The following LHX8 variants were observed in gnomAD, a reference collection of about 807,000 sequenced individuals.
The protein encoded by LHX8 is LIM/homeobox protein Lhx8.
Under a neutral mutation model 40.3 loss-of-function variants are expected in LHX8, and 12 were observed. That is an observed-to-expected ratio of 0.30 (90% confidence interval 0.19 to 0.48). The LOEUF (loss-of-function observed/expected upper bound fraction) is 0.48. Among genes scored for constraint, LHX8 ranks in the 20% least tolerant of loss-of-function variants. LHX8 has a pLI of 0.99. For synonymous variants in LHX8, 179 were observed against 162.0 expected (o/e 1.10, Z -0.80); for missense variants, 344 against 433.7 (o/e 0.79, Z 1.84).
intron 3 of LHX8, 87 bp downstream of exon 3, chr1:75,137,348 C>A (rs938545402): frequency 1.5e-6 from 2 of 1,375,044 alleles, no homozygotes; most frequent in Non-Finnish European, 2.0e-6. Flanking sequence ...TCCCACCAAC[C>A]TTTCCGTTCA....
chr1:75,133,386 G>C (rs532174365), upstream of LHX8, among the ~76,000 whole-genome samples: 1 of 152,050 alleles, frequency 6.6e-6, no homozygotes, highest in Admixed American at 6.5e-5. Flanking sequence ...AGATCATTTC[G>C]CTCTTTTTCT....
chr1:75,176,636 T>A, the LHX8 span, among the ~76,000 whole-genome samples: 5 of 152,246 alleles, frequency 3.3e-5, no homozygotes, highest in Non-Finnish European at 7.3e-5. Context: ...CTGTTCACTC[T>A]GATGGTAGTT....
At chr1:75,176,479 A>G in the LHX8 span, among the ~76,000 whole-genome samples, 1 of 152,174 alleles carries the variant, frequency 6.6e-6, no homozygotes, top group East Asian at 1.9e-4. Flanking sequence ...TCTTTTGAGA[A>G]GTGTCTGTTC....
At chr1:75,182,966 G>C in the LHX8 span, 1 of 152,192 alleles carries the variant, frequency 6.6e-6, no homozygotes, top group Non-Finnish European at 1.5e-5. Context: ...ATGGTTAGCT[G>C]TTCACTCCTC....
rs1648077510 is a variant in LHX8, at chr1:75,134,965, C to CT, written c.-13+15dup. 1 of 983,646 alleles carries CT rather than the reference C, an allele frequency of 1.0e-6. No individual in the cohort carries two copies. The highest frequency in any genetic ancestry group is 1.2e-6 in the Non-Finnish European group (1 of 828,512). The allele number at this position is 983,646 out of a possible 1,614,324, so 60.9% of individuals were successfully genotyped here. A position where few individuals can be genotyped will look rare whatever the true frequency, so the allele number is the denominator to read the frequency against. ...CGCTCTCAGGTCCATGTGAGTCGTG[C>CT]TTTTGTTCTATTTGCTGTGGTGATC... On this transcript the variant is annotated intron_variant, in intron 1 of 8. Coordinates refer to ENST00000356261, the MANE Select transcript of LHX8 (RefSeq NM_001256114.2).
intron 6 of LHX8, 69 bp from the exon 7 acceptor site, chr1:75,148,518 T>TA (rs1347775201): frequency 9.3e-7 from 1 of 1,080,456 alleles, no homozygotes; most frequent in African/African-American, 1.6e-5. Flanking sequence ...CCTCTTATGA[T>TA]AAAAATGCAG....
In LHX8 at chr1:75,153,704, G is replaced by A. The variant is rs147614284; in HGVS notation, c.781-3189G>A. ...GACTACAGGTGTGAGCCACCACGCC[G>A]GGTCTAGTTTTGGCCTTTCTTATGC... is the stretch of plus-strand genomic sequence containing the variant. On this transcript the variant is annotated intron_variant, in intron 7 of 8. Transcript: ENST00000356261. Among the ~76,000 whole-genome samples, 1,276 of 152,108 alleles carry A rather than the reference G, an allele frequency of 8.4e-3. 24 individuals are homozygous for A. The highest frequency in any genetic ancestry group is 0.029 in the African/African-American group (1,206 of 41,500).
intron 7 of LHX8, among the ~76,000 whole-genome samples, chr1:75,149,839 T>A (rs1648560238): frequency 6.6e-6 from 1 of 152,186 alleles, no homozygotes; most frequent in South Asian, 2.1e-4. Context: ...TGAGCCACCA[T>A]GCCCAGCTGA....
downstream of LHX8, among the ~76,000 whole-genome samples, chr1:75,163,325 A>G (rs1648967542): frequency 2.0e-5 from 3 of 152,200 alleles, no homozygotes; most frequent in Non-Finnish European, 4.4e-5. Flanking sequence ...TTATGTGTAT[A>G]ATTACTCTAC....
chr1:75,140,139 A>G (rs1218746641), intron 3 of LHX8, among the ~76,000 whole-genome samples: 1 of 152,214 alleles, frequency 6.6e-6, no homozygotes, highest in Non-Finnish European at 1.5e-5. Flanking sequence ...TATAATGGCA[A>G]CAGTTTAAAG....
intron 7 of LHX8, among the ~76,000 whole-genome samples, chr1:75,155,509 C>T (rs552386547): frequency 2.0e-5 from 3 of 152,208 alleles, no homozygotes; most frequent in Admixed American, 1.3e-4. Flanking sequence ...GCTGGGATTA[C>T]AGGAGTGAGC....
At chr1:75,181,950 C>T in the LHX8 span, among the ~76,000 whole-genome samples, 152,283 of 152,336 alleles carry the variant, frequency 1, 76,115 homozygotes, top group Middle Eastern at 1. Flanking sequence ...CTGTGTGTTG[C>T]CTGTTTACTT....
the LHX8 span, among the ~76,000 whole-genome samples, chr1:75,174,745 A>C: frequency 1.3e-5 from 2 of 152,236 alleles, no homozygotes; most frequent in Non-Finnish European, 2.9e-5. Flanking sequence ...AAAGTGCTAC[A>C]GTGCATGGTA....
In LHX8 at chr1:75,160,604, T is replaced by A. The variant is rs1476393770; in HGVS notation, c.965-215T>A. On this transcript the variant is annotated intron_variant, in intron 8 of 8. Transcript: ENST00000356261. ...AGGACATTAAAATGGCAAAATCTTGTGGCCCCAAATAAAGATTTGGGGGTA... is the reference window on the plus strand; with the variant it reads ...AGGACATTAAAATGGCAAAATCTTGAGGCCCCAAATAAAGATTTGGGGGTA... 8 of 570,380 alleles carry A rather than the reference T, an allele frequency of 1.4e-5. No individual in the cohort carries two copies. The Admixed American group carries it at 1.8e-4, about 13-fold the overall frequency. The allele number at this position is 570,380 out of a possible 1,614,324, so 35.3% of individuals were successfully genotyped here. A position where few individuals can be genotyped will look rare whatever the true frequency, so the allele number is the denominator to read the frequency against.
chr1:75,165,548 G>A (rs1408628728), downstream of LHX8, among the ~76,000 whole-genome samples: 1 of 152,104 alleles, frequency 6.6e-6, no homozygotes, highest in Non-Finnish European at 1.5e-5. Flanking sequence ...TTTAGGGATG[G>A]ACTGTGTATG....
At chr1:75,171,715 G>T in the LHX8 span, among the ~76,000 whole-genome samples, 1 of 152,154 alleles carries the variant, frequency 6.6e-6, no homozygotes, top group Non-Finnish European at 1.5e-5. Context: ...GAGCAGGAAG[G>T]TAACACCAGA....
chr1:75,160,764 A>C, intron 8 of LHX8, 55 bp from the exon 9 acceptor site: 1 of 1,147,722 alleles, frequency 8.7e-7, no homozygotes, highest in Admixed American at 1.7e-5. Flanking sequence ...TTTGTTTATA[A>C]ATCAGTTTTA....
At position 75,161,373 on chromosome 1, in the gene LHX8, A is replaced by G. The variant is rs147403016; in HGVS notation, c.*478A>G. On this transcript the variant is annotated 3_prime_UTR_variant, in exon 9 of 9. Coordinates refer to ENST00000356261, the MANE Select transcript of LHX8 (RefSeq NM_001256114.2). The stretch of plus-strand genomic sequence containing the variant: ...TTTGCAACTGAAATTTATTTTGCCA[A>G]TGTTTTCTGAATGAACTGAATAAAG... 19 of 174,492 alleles carry G rather than the reference A, an allele frequency of 1.1e-4. No individual in the cohort carries two copies. Among genetic ancestry groups the G allele is most frequent in the African/African-American group, 3.6e-4 (15 of 41,734 alleles). The allele number at this position is 174,492 out of a possible 1,614,324, so 10.8% of individuals were successfully genotyped here. A position where few individuals can be genotyped will look rare whatever the true frequency, so the allele number is the denominator to read the frequency against.
At position 75,136,675 on chromosome 1, in the gene LHX8, G is replaced by C; in HGVS notation, c.61G>C (p.Gly21Arg). ...LAAGRTRKGAGEEGLVSPEGA... is the reference protein window; with the variant it reads ...LAAGRTRKGAREEGLVSPEGA... ...GGCCGGGAGGACTCGCAAAGGCGCCGGGGAAGAGGGACTGGTGAGTGCGGA... is the reference window on the plus strand; with the variant it reads ...GGCCGGGAGGACTCGCAAAGGCGCCCGGGAAGAGGGACTGGTGAGTGCGGA... The change falls in exon 2 of 9, where the codon GGG (glycine) becomes CGG (arginine). Residue 21 changes from glycine to arginine, a missense_variant. Physicochemically the swap from Gly to Arg is moderately radical, Grantham distance 125. Around this residue, in one of 3 missense-constraint regions of LHX8, gnomAD observed 108 missense variants for 90.1 expected, o/e 1.20. Coordinates refer to ENST00000356261, the MANE Select transcript of LHX8 (RefSeq NM_001256114.2). The C allele has an allele frequency of 6.5e-7, 1 of 1,546,342 alleles. No homozygotes were observed. Among genetic ancestry groups the C allele is most frequent in the South Asian group, 1.2e-5 (1 of 84,020 alleles).
Sources: gnomAD v4.1 joint callset for allele counts (sites outside exome capture counted in the v4.1 genomes callset) on GRCh38, gnomAD v4.1.1 for gene constraint, gnomAD v4.1.1 regional missense constraint, MANE v1.5 for transcripts, NCBI Gene and HGNC (gene_info 2026-07-23, HGNC 2026-07-21) for gene names.